The following IQSEC1 variants were observed in gnomAD, a reference collection of about 807,000 sequenced individuals.
IQSEC1 encodes the protein IQ motif and SEC7 domain-containing protein 1.
A neutral mutation model predicts 91.0 loss-of-function variants in IQSEC1; 31 were observed. The ratio of observed to expected loss-of-function variants is 0.34; its 90% confidence interval spans 0.26 to 0.46. The LOEUF is 0.46. Ranked by LOEUF, IQSEC1 falls within the 20% of genes least tolerant of loss-of-function variation. IQSEC1 has a pLI of 1.00. For synonymous variants in IQSEC1, 699 were observed against 662.6 expected (o/e 1.05, Z -0.84); for missense variants, 1,388 against 1,575.6 (o/e 0.88, Z 2.02).
chr3:13,194,703 C>T (rs1203467585), intron 1 of IQSEC1, among the ~76,000 whole-genome samples: 1 of 152,064 alleles, frequency 6.6e-6, no homozygotes, highest in African/African-American at 2.4e-5. Flanking sequence ...AGGCGAGGTC[C>T]GTGCTTCCTC....
rs2125187856 is a variant in IQSEC1 at position 12,922,440 on chromosome 3, A to T, written c.1731-198T>A. On this transcript the variant is annotated intron_variant, in intron 4 of 13. Transcript: ENST00000613206. This position sits in a 1 kb window ranked among gnomAD's most constrained non-coding sequence, Gnocchi z 5.1. ...CTCCAGTCTTCTGGGGAGCCCACAA[A>T]GCCCCTGGAACTGTAGGGAAGCGCG... Among the ~76,000 whole-genome samples the T allele has an allele frequency of 6.6e-6, 1 of 152,316 alleles. No individual in the cohort carries two copies. The highest frequency in any genetic ancestry group is 1.5e-5 in the Non-Finnish European group (1 of 68,034).
At chr3:13,226,674 T>C (rs2125082725) in intron 1 of IQSEC1, among the ~76,000 whole-genome samples, 1 of 152,104 alleles carries the variant, frequency 6.6e-6, no homozygotes, top group Non-Finnish European at 1.5e-5. Flanking sequence ...TTCTCCACAC[T>C]CCTTCAATAA....
chr3:13,067,868 G>C (rs1705288605), intron 1 of IQSEC1, among the ~76,000 whole-genome samples: 1 of 152,260 alleles, frequency 6.6e-6, no homozygotes, highest in African/African-American at 2.4e-5. Context: ...GTCAGTGCAA[G>C]GAGGCAGGCC....
At chr3:13,126,619 A>G (rs1214553545) in intron 2 of IQSEC1, among the ~76,000 whole-genome samples, 1 of 152,256 alleles carries the variant, frequency 6.6e-6, no homozygotes, top group Admixed American at 6.5e-5. Flanking sequence ...CAAGGTGTTT[A>G]TACCATTTCA....
At chr3:13,191,477 A>ATTTTTTT (rs57912681) in intron 1 of IQSEC1, among the ~76,000 whole-genome samples, 28 of 92,098 alleles carry the variant, frequency 3.0e-4, no homozygotes, top group Admixed American at 4.3e-4. Flanking sequence ...CACCCAGCTA[A>ATTTTTTT]TTTTTTTTTT....
At chr3:13,218,564 T>C (rs935532403) in intron 1 of IQSEC1, among the ~76,000 whole-genome samples, 1 of 152,222 alleles carries the variant, frequency 6.6e-6, no homozygotes, top group African/African-American at 2.4e-5. Context: ...TTTTCACAAC[T>C]CATGACTGGG....
At chr3:13,158,255 A>G (rs574327534) in intron 2 of IQSEC1, among the ~76,000 whole-genome samples, 21 of 152,310 alleles carry the variant, frequency 1.4e-4, no homozygotes, top group Non-Finnish European at 2.4e-4. Context: ...GCCTGCTCCC[A>G]TTCCTTCCTG....
At chr3:13,154,809 A>G (rs1177458813) in intron 2 of IQSEC1, among the ~76,000 whole-genome samples, 1 of 151,988 alleles carries the variant, frequency 6.6e-6, no homozygotes, top group Non-Finnish European at 1.5e-5. Context: ...AATCAACAAT[A>G]GAGGAAAAAC....
chr3:13,097,605 G>T (rs1297390150), intron 2 of IQSEC1, among the ~76,000 whole-genome samples: 1 of 152,214 alleles, frequency 6.6e-6, no homozygotes, highest in East Asian at 1.9e-4. Context: ...CCGCACTCAT[G>T]CTGTGAACGC....
chr3:12,941,957 A>G, intron 1 of IQSEC1, 92 bp from the exon 2 acceptor site: 12 of 1,222,670 alleles, frequency 9.8e-6, no homozygotes, highest in African/African-American at 3.0e-5. Flanking sequence ...ATGCTCCTGG[A>G]GGAGCCCCCA....
intron 1 of IQSEC1, among the ~76,000 whole-genome samples, chr3:13,260,933 C>T (rs1695375001): frequency 6.6e-6 from 1 of 152,178 alleles, no homozygotes; most frequent in Non-Finnish European, 1.5e-5. Context: ...GGCCACCCAG[C>T]CCCCACAGCA....
At chr3:13,182,453 AT>A (rs1693861371) in intron 1 of IQSEC1, among the ~76,000 whole-genome samples, 1 of 152,242 alleles carries the variant, frequency 6.6e-6, no homozygotes, top group Non-Finnish European at 1.5e-5. Flanking sequence ...GGGTAAAAGG[AT>A]TGCTACATCG....
intron 2 of IQSEC1, among the ~76,000 whole-genome samples, chr3:13,131,563 C>T (rs563079926): frequency 1.2e-4 from 18 of 147,936 alleles, no homozygotes; most frequent in South Asian, 4.3e-4. Context: ...CTCAGCTCAC[C>T]GCAACCTGTA....
In IQSEC1 at chr3:12,920,421, A is replaced by T. The variant is rs1305157797; in HGVS notation, c.2020+9T>A. The T allele has an allele frequency of 6.2e-7, 1 of 1,612,352 alleles. No individual in the cohort carries two copies. The highest frequency in any genetic ancestry group is 8.5e-7 in the Non-Finnish European group (1 of 1,178,634). On this transcript the variant is annotated intron_variant, in intron 6 of 13. Coordinates refer to ENST00000613206, the MANE Select transcript of IQSEC1 (RefSeq NM_001134382.3). Reference sequence around the variant, plus strand: ...ATCTGTGGCTGGCCGACCGCCTGAGACAGCTCACCTCGGAGGTTCTTGATG... The same window carrying T: ...ATCTGTGGCTGGCCGACCGCCTGAGTCAGCTCACCTCGGAGGTTCTTGATG...
intron 2 of IQSEC1, among the ~76,000 whole-genome samples, chr3:13,122,644 T>G (rs1226861173): frequency 6.6e-6 from 1 of 152,020 alleles, no homozygotes; most frequent in Admixed American, 6.6e-5. Flanking sequence ...TCCTCAAAAC[T>G]CAAAACGAGC....
intron 1 of IQSEC1, among the ~76,000 whole-genome samples, chr3:13,049,928 T>C (rs9815898): frequency 0.24 from 36,389 of 152,066 alleles, 4,655 homozygotes; most frequent in South Asian, 0.37. Context: ...AGTCTGCATG[T>C]GAAGACGGGA....
intron 1 of IQSEC1, among the ~76,000 whole-genome samples, chr3:13,203,343 T>C (rs1468722481): frequency 6.6e-6 from 1 of 152,182 alleles, no homozygotes; most frequent in Non-Finnish European, 1.5e-5. Flanking sequence ...ACGGCCCTTG[T>C]TGGTTTTCTT....
chr3:13,173,976 G>A (rs1040035367), intron 1 of IQSEC1, among the ~76,000 whole-genome samples: 1 of 152,170 alleles, frequency 6.6e-6, no homozygotes, highest in East Asian at 1.9e-4. Flanking sequence ...GGTGTCTCAG[G>A]ATTCCTCGCT....
chr3:12,904,647 CATGTGGAA>C (rs1278748021), intron 12 of IQSEC1, among the ~76,000 whole-genome samples: 1 of 152,180 alleles, frequency 6.6e-6, no homozygotes, highest in Admixed American at 6.5e-5. Context: ...ATTGTGGCGC[CATGTGGAA>C]ATGTGGAGGG....
Sources: gnomAD v4.1 joint callset for allele counts (sites outside exome capture counted in the v4.1 genomes callset) on GRCh38, gnomAD v4.1.1 for gene constraint, Gnocchi (gnomAD v3.1) non-coding constraint, MANE v1.5 for transcripts, NCBI Gene and HGNC (gene_info 2026-07-23, HGNC 2026-07-21) for gene names.